Variants in ACADL observed in about 807,000 individuals in gnomAD.
The protein encoded by ACADL is long-chain specific acyl-CoA dehydrogenase, mitochondrial.
ACADL carries 60 observed loss-of-function variants against 56.9 expected under a neutral mutation model. That is an observed-to-expected ratio of 1.05 (90% CI 0.86 to 1.31). ACADL has a LOEUF of 1.31. Ranked by LOEUF, ACADL falls within the 50% of genes most tolerant of loss-of-function variation. ACADL has a pLI of 0.00. For synonymous variants in ACADL, 158 were observed against 179.7 expected, an observed-to-expected ratio of 0.88 and a Z score of 0.97; for missense variants, 484 against 525.5, an observed-to-expected ratio of 0.92 and a Z score of 0.77.
intron 9 of ACADL, among the ~76,000 whole-genome samples, 174 bp from the exon 10 acceptor site, chr2:210,193,064 C>G (rs1402530853): frequency 2.0e-5 from 3 of 152,116 alleles, no homozygotes; most frequent in Non-Finnish European, 2.9e-5. Context: ...AAATATATTT[C>G]AAGAGAATTT....
intron 8 of ACADL, among the ~76,000 whole-genome samples, chr2:210,200,768 G>A (rs1052033661): frequency 6.6e-6 from 1 of 152,058 alleles, no homozygotes; most frequent in African/African-American, 2.4e-5. Context: ...TTCCCAAAAC[G>A]ACAAAGAGAG....
intron 4 of ACADL, among the ~76,000 whole-genome samples, chr2:210,210,736 G>A (rs1480540848): frequency 2.6e-5 from 4 of 152,110 alleles, no homozygotes; most frequent in Admixed American, 2.6e-4. Flanking sequence ...GCTTGAGCCC[G>A]GGAGTTTGAG....
At chr2:210,205,976 C>T (rs1553690120) in intron 5 of ACADL, among the ~76,000 whole-genome samples, 180 bp from the exon 6 acceptor site, 1 of 152,084 alleles carries the variant, frequency 6.6e-6, no homozygotes, top group Non-Finnish European at 1.5e-5. Flanking sequence ...TATCAAGGAT[C>T]AGGGGAAAAA....
At position 210,205,646 on chromosome 2, in the gene ACADL, C is replaced by G; in HGVS notation, c.754G>C (p.Gly252Arg). ...TTATCACTCACCTGGGCTTTTAATC[C>G]CATTTTATGTAGCTTTCGTCCCTTG... Reference protein sequence around the residue: ...FIKGRKLHKMGLKAQDTAELF... With the variant: ...FIKGRKLHKMRLKAQDTAELF... The change falls in exon 6 of 11, where the codon GGA becomes CGA. Residue 252 changes from glycine (G) to arginine (R), a missense_variant. Transcript: ENST00000233710. 1.2e-6 allele frequency: 2 copies of G among 1,613,724 alleles called. No individual in the cohort carries two copies. The highest frequency in any genetic ancestry group is 1.3e-5 in the African/African-American group (1 of 74,994).
rs376861600 is a variant in ACADL at position 210,219,542 on chromosome 2, A to T, written c.233+1105T>A. 2.0e-5 allele frequency among the ~76,000 whole-genome samples: 3 copies of T among 152,312 alleles called. No individual in the cohort carries two copies. In the East Asian group the frequency reaches 5.8e-4, roughly 29 times the overall value. ...AGTTGCTTTTCACCGAAGACTAGTC[A>T]TGGCTTCTGGCTTCTGAGTTTAGCT... On this transcript the variant is annotated intron_variant, in intron 2 of 10. Transcript: ENST00000233710.
intron 10 of ACADL, 82 bp downstream of exon 10, chr2:210,192,722 C>T: frequency 9.5e-7 from 1 of 1,050,928 alleles, no homozygotes; most frequent in Non-Finnish European, 1.5e-6. Context: ...CCTCCTTTCC[C>T]TCTACATTTG....
At chr2:210,204,824 T>A in intron 6 of ACADL, 142 bp from the exon 7 acceptor site, 1 of 685,086 alleles carries the variant, frequency 1.5e-6, no homozygotes. Flanking sequence ...TGAACATAAC[T>A]AGTAAGTGGT....
intron 1 of ACADL, among the ~76,000 whole-genome samples, chr2:210,222,975 G>A (rs1559643088): frequency 6.6e-6 from 1 of 152,190 alleles, no homozygotes; most frequent in African/African-American, 2.4e-5. Context: ...CTGAGATTAG[G>A]AAACTGGGGC....
chr2:210,191,422 C>G (rs1012291912), intron 10 of ACADL, among the ~76,000 whole-genome samples: 3 of 152,096 alleles, frequency 2.0e-5, no homozygotes, highest in African/African-American at 7.2e-5. Flanking sequence ...GGAGTTGACT[C>G]CGAGAAAACA....
At chr2:210,202,304 G>A (rs529790268) in intron 8 of ACADL, among the ~76,000 whole-genome samples, 5 of 152,136 alleles carry the variant, frequency 3.3e-5, no homozygotes, top group Non-Finnish European at 7.4e-5. Flanking sequence ...TGTTGGCCAC[G>A]CTAGTCTCGA....
At chr2:210,225,000 C>T (rs898761329) in intron 1 of ACADL, 187 bp downstream of exon 1, 1 of 985,284 alleles carries the variant, frequency 1.0e-6, no homozygotes, top group African/African-American at 1.7e-5. Flanking sequence ...TTTCCTCCGC[C>T]CAGATGCTGG....
intron 1 of ACADL, 160 bp downstream of exon 1, chr2:210,225,027 G>C: frequency 1.0e-6 from 1 of 985,304 alleles, no homozygotes. Context: ...CCAGTCCGCG[G>C]GATCCAGGAA....
At chr2:210,207,279 G>A (rs190581805) in intron 5 of ACADL, among the ~76,000 whole-genome samples, 1 of 152,036 alleles carries the variant, frequency 6.6e-6, no homozygotes, top group Non-Finnish European at 1.5e-5. Flanking sequence ...TTTTTGAATA[G>A]CTCCTAATAG....
rs746372668 is a variant in ACADL, at chr2:210,205,814, C to T, written c.604-18G>A. 4.3e-6 allele frequency: 7 copies of T among 1,613,362 alleles called. No homozygotes were observed. The Admixed American group carries it at 6.7e-5, about 15-fold the overall frequency. ...ATGAACACCTGCAAAACCCCAAGTA[C>T]ATTATTAATGCACCATGATAATTCA... On this transcript the variant is annotated intron_variant, in intron 5 of 10. Coordinates refer to ENST00000233710, the MANE Select transcript of ACADL (RefSeq NM_001608.4).
chr2:210,205,950 T>G (rs1688881943), intron 5 of ACADL, among the ~76,000 whole-genome samples, 154 bp from the exon 6 acceptor site: 1 of 152,206 alleles, frequency 6.6e-6, no homozygotes, highest in African/African-American at 2.4e-5. Flanking sequence ...CAAAGTTGAT[T>G]ATTCACACAT....
At chr2:210,208,419 C>T (rs1047106434) in intron 5 of ACADL, among the ~76,000 whole-genome samples, 1 of 152,170 alleles carries the variant, frequency 6.6e-6, no homozygotes, top group Non-Finnish European at 1.5e-5. Context: ...ATCCCCCTTT[C>T]TAATAGAGTT....
chr2:210,220,614 A>G, intron 2 of ACADL, 33 bp downstream of exon 2: 1 of 1,602,144 alleles, frequency 6.2e-7, no homozygotes, highest in African/African-American at 1.3e-5. Flanking sequence ...TACCCCTAGT[A>G]TACATTACAT....
At chr2:210,202,863 G>A (rs1293772873) in intron 8 of ACADL, among the ~76,000 whole-genome samples, 4 of 151,942 alleles carry the variant, frequency 2.6e-5, no homozygotes, top group Non-Finnish European at 4.4e-5. Flanking sequence ...TCTACTCATC[G>A]GGTGTGTCAC....
chr2:210,212,889 G>A (rs982147296), intron 4 of ACADL, among the ~76,000 whole-genome samples: 4 of 152,150 alleles, frequency 2.6e-5, no homozygotes, highest in African/African-American at 9.7e-5. Flanking sequence ...CCTTAGAAAG[G>A]CCTGTTACAA....
Sources: allele counts gnomAD v4.1 joint callset (sites outside exome capture counted in the v4.1 genomes callset), GRCh38; gene constraint gnomAD v4.1.1; transcripts MANE v1.5; gene names NCBI Gene and HGNC (gene_info 2026-07-23, HGNC 2026-07-21).